Variants in MOGAT1 observed in about 807,000 individuals in gnomAD.
MOGAT1 encodes the protein monoacylglycerol O-acyltransferase 1.
Under a neutral mutation model 31.4 loss-of-function variants are expected in MOGAT1, and 32 were observed. That is an observed-to-expected ratio of 1.02 (90% CI 0.77 to 1.37). The LOEUF is 1.37. Among genes scored for constraint, MOGAT1 ranks in the 40% most tolerant of loss-of-function variants. MOGAT1 has a pLI of 0.00. For synonymous variants in MOGAT1, 145 were observed against 144.5 expected (o/e 1.00, Z -0.03); for missense variants, 426 against 402.0 (o/e 1.06, Z -0.51).
intron 4 of MOGAT1, among the ~76,000 whole-genome samples, chr2:222,694,767 C>T (rs1692816666): frequency 6.6e-6 from 1 of 152,104 alleles, no homozygotes; most frequent in Non-Finnish European, 1.5e-5. Flanking sequence ...ACAACGAGAA[C>T]AACAACAAAA....
intron 5 of MOGAT1, among the ~76,000 whole-genome samples, chr2:222,701,661 G>A (rs1361148737): frequency 7.2e-6 from 1 of 138,560 alleles, no homozygotes; most frequent in East Asian, 2.5e-4. Context: ...AAGAAAGAGA[G>A]AGAGATAAAG....
In MOGAT1 at chr2:222,686,196, G is replaced by A. The variant is rs190563964; in HGVS notation, c.95-2148G>A. Among the ~76,000 whole-genome samples, 3 of 152,288 alleles carry A rather than the reference G, an allele frequency of 2.0e-5. No individual in the cohort carries two copies. The East Asian group carries it at 5.8e-4, about 29-fold the overall frequency. On this transcript the variant is annotated intron_variant, in intron 1 of 5. Coordinates refer to ENST00000446656, the MANE Select transcript of MOGAT1 (RefSeq NM_058165.3). ...TACAGTGTTATTACCATTAGCTGGAGGATAGCGTGGCTTTGTGAAAAAGTG... is the reference window on the plus strand; with the variant it reads ...TACAGTGTTATTACCATTAGCTGGAAGATAGCGTGGCTTTGTGAAAAAGTG...
chr2:222,676,771 C>A (rs1692504237), intron 1 of MOGAT1, among the ~76,000 whole-genome samples: 1 of 152,132 alleles, frequency 6.6e-6, no homozygotes, highest in African/African-American at 2.4e-5. Context: ...TTAATTTTTG[C>A]AATTTTTTTC....
intron 5 of MOGAT1, among the ~76,000 whole-genome samples, chr2:222,701,264 AAG>A (rs1391980856): frequency 2.3e-5 from 3 of 131,224 alleles, no homozygotes; most frequent in Admixed American, 1.5e-4. Context: ...TCTTGAAAGA[AAG>A]AGAGAAAAAG....
At position 222,694,252 on chromosome 2, in the gene MOGAT1, C is replaced by A. The variant is rs887171900; in HGVS notation, c.479-110C>A. The A allele has an allele frequency of 9.5e-6, 9 of 950,090 alleles. No individual in the cohort carries two copies. In the Admixed American group the frequency reaches 1.9e-4, roughly 20 times the overall value. 58.9% of individuals were successfully genotyped at this position (950,090 alleles called of 1,614,324 possible). The stretch of plus-strand genomic sequence containing the variant: ...ACTTACAAAGTGCTCCAAAGGTAAG[C>A]AGTGTAGGAAATTTTGTTAAATGTT... On this transcript the variant is annotated intron_variant, in intron 3 of 5. Coordinates refer to ENST00000446656, the MANE Select transcript of MOGAT1 (RefSeq NM_058165.3).
intron 1 of MOGAT1, among the ~76,000 whole-genome samples, chr2:222,684,681 A>G (rs1309325877): frequency 6.6e-6 from 1 of 151,886 alleles, no homozygotes; most frequent in Non-Finnish European, 1.5e-5. Flanking sequence ...GGTTCGAACA[A>G]TTCTCCTGCC....
chr2:222,691,228 G>A (rs1012127393), intron 3 of MOGAT1, among the ~76,000 whole-genome samples: 3 of 149,284 alleles, frequency 2.0e-5, no homozygotes, highest in Non-Finnish European at 4.4e-5. Context: ...TTTTTGAGAC[G>A]GAGTTTCGCT....
In MOGAT1 at chr2:222,697,041, G is replaced by GAAAAAC. The variant is rs1365615969; in HGVS notation, c.853+1771_853+1776dup. ...GGTGACAGATCAAGACCCTATCTCAGAAAAACAAAAACAAAAACAAAAAAC... is the reference window on the plus strand; with the variant it reads ...GGTGACAGATCAAGACCCTATCTCAGAAAAACAAAAACAAAAACAAAAACAAAAAAC... On this transcript the variant is annotated intron_variant, in intron 5 of 5. Transcript: ENST00000446656. Among the ~76,000 whole-genome samples, 4 of 152,038 alleles carry GAAAAAC rather than the reference G, an allele frequency of 2.6e-5. No homozygotes were observed. The East Asian group carries it at 7.7e-4, about 29-fold the overall frequency.
In MOGAT1 at chr2:222,709,773, G is replaced by A. The variant is rs201976042; in HGVS notation, c.891G>A (p.Pro297=). 1.4e-4 allele frequency: 231 copies of A among 1,613,164 alleles called. 1 individual carries two copies. The African/African-American group carries it at 2.8e-3, about 19-fold the overall frequency. Residue 297 remains proline (P), a synonymous_variant, in exon 6 of 6, where the codon CCG becomes CCA. Transcript: ENST00000446656. ...TCCCTGTTCGTCAGACTCTGAACCCGACCCAGGAGCAGATTGAGGAGTTAC... is the reference window on the plus strand; with the variant it reads ...TCCCTGTTCGTCAGACTCTGAACCCAACCCAGGAGCAGATTGAGGAGTTAC... ...RPIPVRQTLN[P]TQEQIEELHQ...
chr2:222,683,182 T>C (rs35020759), intron 1 of MOGAT1, among the ~76,000 whole-genome samples: 22,277 of 146,652 alleles, frequency 0.15, 1,863 homozygotes, highest in East Asian at 0.31. Flanking sequence ...CCAGCCTGAG[T>C]GACAAAGTGA....
chr2:222,672,954 C>A (rs1165212233), intron 1 of MOGAT1, among the ~76,000 whole-genome samples: 2 of 149,790 alleles, frequency 1.3e-5, no homozygotes, highest in East Asian at 1.9e-4. Flanking sequence ...ACTCTTGTTG[C>A]CCACGCTGGA....
rs375838512 is a variant in MOGAT1 at position 222,688,396 on chromosome 2, C to T, written c.147C>T (p.Phe49=). The part of the protein sequence containing the change: ...TVMLIIHNYL[F]LYIPYLMWLY... ...TGCTGATCATACACAACTATTTGTT[C>T]CTTTACATCCCTTATTTGATGTGGC... Residue 49 remains phenylalanine (F), a synonymous_variant, in exon 2 of 6, where the codon TTC becomes TTT. Transcript: ENST00000446656. 5.4e-5 allele frequency: 87 copies of T among 1,613,138 alleles called. No homozygotes were observed. The highest frequency in any genetic ancestry group is 7.0e-5 in the Non-Finnish European group (82 of 1,179,568).
intron 5 of MOGAT1, among the ~76,000 whole-genome samples, chr2:222,701,398 A>AAGAG (rs552136301): frequency 6.9e-6 from 1 of 145,076 alleles, no homozygotes; most frequent in Non-Finnish European, 1.5e-5. Flanking sequence ...GAAAGAAAGA[A>AAGAG]AGAGAGAGAG....
intron 3 of MOGAT1, among the ~76,000 whole-genome samples, chr2:222,692,240 C>T (rs1203098692): frequency 6.6e-6 from 1 of 152,152 alleles, no homozygotes; most frequent in Non-Finnish European, 1.5e-5. Flanking sequence ...GGCAATGGCA[C>T]TGGAGATACA....
intron 1 of MOGAT1, among the ~76,000 whole-genome samples, chr2:222,675,283 T>A (rs1692479263): frequency 6.6e-6 from 1 of 152,164 alleles, no homozygotes; most frequent in South Asian, 2.1e-4. Flanking sequence ...GCTGTGCACT[T>A]CATGTTACAT....
chr2:222,708,208 C>G (rs913760649), intron 5 of MOGAT1, among the ~76,000 whole-genome samples: 1 of 152,100 alleles, frequency 6.6e-6, no homozygotes, highest in Non-Finnish European at 1.5e-5. Context: ...CTCAGCCTCC[C>G]GGGTAGCTGG....
chr2:222,677,129 T>TAC (rs907881038), intron 1 of MOGAT1, among the ~76,000 whole-genome samples: 1 of 152,170 alleles, frequency 6.6e-6, no homozygotes, highest in Non-Finnish European at 1.5e-5. Context: ...CAAAGGTGGG[T>TAC]ACAACCAAAA....
At position 222,700,989 on chromosome 2, in the gene MOGAT1, C is replaced by T. The variant is rs536731461; in HGVS notation, c.853+5701C>T. ...ATTAACTTAAGTAAGCGCTACCTTA[C>T]GTCATAAGATAAACATCAACTCACT... is the stretch of plus-strand genomic sequence containing the variant. On this transcript the variant is annotated intron_variant, in intron 5 of 5. Transcript: ENST00000446656. Among the ~76,000 whole-genome samples, 11 of 152,312 alleles carry T rather than the reference C, an allele frequency of 7.2e-5. No individual in the cohort carries two copies. In the South Asian group the frequency reaches 1.4e-3, roughly 20 times the overall value.
At chr2:222,675,688 C>A (rs1343564660) in intron 1 of MOGAT1, among the ~76,000 whole-genome samples, 1 of 152,012 alleles carries the variant, frequency 6.6e-6, no homozygotes, top group East Asian at 1.9e-4. Flanking sequence ...ACCGTGTTAG[C>A]CAGGATGGTC....
Sources: gnomAD v4.1 joint callset for allele counts (sites outside exome capture counted in the v4.1 genomes callset) on GRCh38, gnomAD v4.1.1 for gene constraint, MANE v1.5 for transcripts, NCBI Gene and HGNC (gene_info 2026-07-23, HGNC 2026-07-21) for gene names.